The following GRM7 variants were observed in gnomAD, a reference collection of about 807,000 sequenced individuals.
The protein encoded by GRM7 is metabotropic glutamate receptor 7.
GRM7 carries 35 observed loss-of-function variants against 84.5 expected under a neutral mutation model. The ratio of observed to expected loss-of-function variants is 0.41; its 90% CI spans 0.32 to 0.55. The LOEUF (loss-of-function observed/expected upper bound fraction) is 0.55, where lower values mean the gene tolerates loss of function less well. Among genes scored for constraint, GRM7 ranks in the 20% least tolerant of loss-of-function variants. The probability of loss-of-function intolerance (pLI) is 0.19; values close to 1 mark genes in which losing one functional copy is unlikely to be tolerated. For synonymous variants in GRM7, 487 were observed against 455.1 expected (o/e 1.07, Z -0.89); for missense variants, 1,003 against 1,194.6 (o/e 0.84, Z 2.36).
At chr3:7,357,429 T>C (rs1693459401) in intron 4 of GRM7, among the ~76,000 whole-genome samples, 1 of 152,002 alleles carries the variant, frequency 6.6e-6, no homozygotes, top group Non-Finnish European at 1.5e-5. Flanking sequence ...TAGAACTCAT[T>C]TCCCCTCTTA....
chr3:7,263,820 G>T (rs961474887), intron 2 of GRM7, among the ~76,000 whole-genome samples: 1 of 152,110 alleles, frequency 6.6e-6, no homozygotes, highest in East Asian at 1.9e-4. Context: ...TAGGTTGGGG[G>T]TTCATTCATG....
At chr3:7,561,690 G>C (rs1295950265) in intron 7 of GRM7, 1 of 365,524 alleles carries the variant, frequency 2.7e-6, no homozygotes, top group East Asian at 7.6e-5. Context: ...CTCTGAAGTT[G>C]ACCTAACTTC....
chr3:7,591,357 G>A, intron 8 of GRM7: 1 of 278,982 alleles, frequency 3.6e-6, no homozygotes, highest in South Asian at 3.2e-5. Context: ...CAGTAAAGAT[G>A]AAAAAAATAC....
intron 1 of GRM7, among the ~76,000 whole-genome samples, chr3:7,121,986 C>T (rs540766520): frequency 6.6e-6 from 1 of 152,296 alleles, no homozygotes; most frequent in South Asian, 2.1e-4. Flanking sequence ...GTCTCACATG[C>T]TCACTTTCAC....
intron 1 of GRM7, among the ~76,000 whole-genome samples, chr3:6,900,809 A>G (rs1696355899): frequency 6.6e-6 from 1 of 152,202 alleles, no homozygotes; most frequent in African/African-American, 2.4e-5. Flanking sequence ...TTTGGCCCAA[A>G]TAAGGTCCAT....
intron 2 of GRM7, among the ~76,000 whole-genome samples, chr3:7,193,321 A>G (rs994896482): frequency 2.0e-5 from 3 of 152,136 alleles, no homozygotes; most frequent in African/African-American, 7.2e-5. Flanking sequence ...AGACATCCAT[A>G]TAGTTGCTTA....
chr3:6,974,327 T>A (rs1241518671), intron 1 of GRM7, among the ~76,000 whole-genome samples: 6 of 152,140 alleles, frequency 3.9e-5, no homozygotes, highest in Non-Finnish European at 7.4e-5. Context: ...AGTGGAGATG[T>A]TGAATAGACA....
intron 8 of GRM7, among the ~76,000 whole-genome samples, chr3:7,652,782 G>C (rs1559466020): frequency 6.6e-6 from 1 of 152,172 alleles, no homozygotes; most frequent in Non-Finnish European, 1.5e-5. Context: ...ATAAGGCCCA[G>C]ATCATTAAAA....
intron 9 of GRM7, among the ~76,000 whole-genome samples, chr3:7,716,454 G>A (rs573762997): frequency 1.3e-5 from 2 of 152,188 alleles, no homozygotes; most frequent in African/African-American, 2.4e-5. Context: ...CAGCAAAAGT[G>A]ATACCAATAT....
intron 4 of GRM7, among the ~76,000 whole-genome samples, chr3:7,362,204 T>A (rs1304515087): frequency 1.3e-5 from 2 of 152,046 alleles, no homozygotes; most frequent in Non-Finnish European, 2.9e-5. Context: ...TTAATGTACA[T>A]GGGAACATGG....
At chr3:6,911,864 C>T (rs193154716) in intron 1 of GRM7, among the ~76,000 whole-genome samples, 70 of 152,182 alleles carry the variant, frequency 4.6e-4, no homozygotes, top group Non-Finnish European at 8.1e-4. Context: ...TGATATGAAG[C>T]TAAGAACATA....
At chr3:6,971,871 TAAA>T (rs1693771742) in intron 1 of GRM7, among the ~76,000 whole-genome samples, 2 of 152,174 alleles carry the variant, frequency 1.3e-5, no homozygotes, top group Non-Finnish European at 2.9e-5. Context: ...GTTGTTTTAT[TAAA>T]ACTAAAAGTA....
Position 7,632,635 on chromosome 3 carries a change from C to T in GRM7, c.2452-47414C>T, listed in dbSNP as rs963329640. ...TGAAGACTGAGATAATTGAGTGAAG[C>T]CTTATTGTAATGATGGGAGCAAATC... On this transcript the variant is annotated intron_variant, in intron 8 of 9. Transcript: ENST00000357716. Among the ~76,000 whole-genome samples, 27 of 152,166 alleles carry T rather than the reference C, an allele frequency of 1.8e-4. 1 individual carries two copies. In the Middle Eastern group the frequency reaches 0.01, roughly 58 times the overall value.
At chr3:7,680,929 AC>A (rs1700342790) in intron 9 of GRM7, 1 of 152,544 alleles carries the variant, frequency 6.6e-6, no homozygotes, top group African/African-American at 2.4e-5. Context: ...AGGAAAAAAA[AC>A]ATTGGATTTA....
chr3:7,477,070 A>C (rs780169689), intron 7 of GRM7, among the ~76,000 whole-genome samples: 12 of 152,214 alleles, frequency 7.9e-5, no homozygotes, highest in Non-Finnish European at 1.6e-4. Context: ...TTAGACATCA[A>C]ACTGATGCTT....
chr3:7,253,641 C>T (rs1003838252), intron 2 of GRM7, among the ~76,000 whole-genome samples: 3 of 143,102 alleles, frequency 2.1e-5, no homozygotes, highest in Non-Finnish European at 4.6e-5. Context: ...AAAAAAAAAT[C>T]ACTAAATTCT....
chr3:7,043,563 A>G (rs1446262954), intron 1 of GRM7, among the ~76,000 whole-genome samples: 1 of 152,210 alleles, frequency 6.6e-6, no homozygotes, highest in Non-Finnish European at 1.5e-5. Context: ...GTTTCATTTG[A>G]AAGTGTAACT....
chr3:7,364,197 G>GTA lies in GRM7; in HGVS notation c.1034-50816_1034-50815dup, dbSNP rs544926102. ...GAGAAAAAGAATTTCCTTGTTAGAT[G>GTA]TATATATATATCACATTCAGAATTG... On this transcript the variant is annotated intron_variant, in intron 4 of 9. Transcript: ENST00000357716. 1.4e-3 allele frequency among the ~76,000 whole-genome samples: 215 copies of GTA among 151,748 alleles called. 2 individuals carry two copies. Among genetic ancestry groups the GTA allele is most frequent in the African/African-American group, 4.4e-3 (182 of 41,436 alleles).
chr3:7,350,731 C>G (rs1693104004), intron 4 of GRM7, among the ~76,000 whole-genome samples: 1 of 152,000 alleles, frequency 6.6e-6, no homozygotes, highest in Non-Finnish European at 1.5e-5. Flanking sequence ...TTTAGTGAAA[C>G]TTGGTAATAC....
Sources: gnomAD v4.1 joint callset for allele counts (sites outside exome capture counted in the v4.1 genomes callset) on GRCh38, gnomAD v4.1.1 for gene constraint, MANE v1.5 for transcripts, NCBI Gene and HGNC (gene_info 2026-07-23, HGNC 2026-07-21) for gene names.